Variants in PITPNC1 observed in about 807,000 individuals in gnomAD.
The protein encoded by PITPNC1 is cytoplasmic phosphatidylinositol transfer protein 1.
Under a neutral mutation model 44.7 loss-of-function variants are expected in PITPNC1, and 18 were observed. The ratio of observed to expected loss-of-function variants is 0.40; its 90% confidence interval spans 0.28 to 0.60. The LOEUF (loss-of-function observed/expected upper bound fraction) is 0.60. Ranked by LOEUF, PITPNC1 falls within the 20% of genes least tolerant of loss-of-function variation. The pLI is 0.39. For synonymous variants in PITPNC1, 141 were observed against 149.6 expected (o/e 0.94, Z 0.42); for missense variants, 290 against 418.4 (o/e 0.69, Z 2.68).
intron 4 of PITPNC1, among the ~76,000 whole-genome samples, chr17:67,555,672 C>CAAAAAAAA (rs67935513): frequency 2.0e-4 from 16 of 78,152 alleles, no homozygotes; most frequent in African/African-American, 5.5e-4. Flanking sequence ...ACTAAAAATA[C>CAAAAAAAA]AAAAAAAAAA....
rs558598771 is a variant in PITPNC1, at chr17:67,527,687, C to T, written c.49-5115C>T. Among the ~76,000 whole-genome samples, 102 of 150,442 alleles carry T rather than the reference C, an allele frequency of 6.8e-4. 1 individual carries two copies. The highest frequency in any genetic ancestry group is 2.4e-3 in the African/African-American group (97 of 40,872). Reference sequence around the variant, plus strand: ...CTGCACTCCAGCCTGGGAGACAGAGCGAGACTCCATCTCAAAAACAAAAAA... The same window carrying T: ...CTGCACTCCAGCCTGGGAGACAGAGTGAGACTCCATCTCAAAAACAAAAAA... On this transcript the variant is annotated intron_variant, in intron 1 of 8. Coordinates refer to ENST00000581322, the MANE Select transcript of PITPNC1 (RefSeq NM_012417.4).
At chr17:67,466,603 C>T (rs1243505017) in intron 1 of PITPNC1, among the ~76,000 whole-genome samples, 1 of 152,176 alleles carries the variant, frequency 6.6e-6, no homozygotes, top group Non-Finnish European at 1.5e-5. Flanking sequence ...AAGAGTCCCA[C>T]TTCAAAGTAC....
chr17:67,509,847 G>A (rs183040275), intron 1 of PITPNC1, among the ~76,000 whole-genome samples: 33 of 152,058 alleles, frequency 2.2e-4, no homozygotes, highest in South Asian at 1.0e-3. Context: ...GGGAATTTTG[G>A]GTCAATTCGT....
At chr17:67,617,296 A>C (rs2041772163) in intron 5 of PITPNC1, among the ~76,000 whole-genome samples, 1 of 152,228 alleles carries the variant, frequency 6.6e-6, no homozygotes, top group South Asian at 2.1e-4. Context: ...ACTTGAGGTC[A>C]GGAGTTTGAG....
At chr17:67,382,538 G>C (rs1456175493) in intron 1 of PITPNC1, among the ~76,000 whole-genome samples, 2 of 152,158 alleles carry the variant, frequency 1.3e-5, no homozygotes, top group African/African-American at 4.8e-5. Context: ...GTTCCTGAGA[G>C]CTGAGAGTTG....
rs182684425 is a variant in PITPNC1 at position 67,472,418 on chromosome 17, C to T, written c.49-60384C>T. Among the ~76,000 whole-genome samples the T allele has an allele frequency of 6.4e-4, 90 of 140,892 alleles. 1 individual carries two copies. In the East Asian group the frequency reaches 0.016, roughly 25 times the overall value. The allele number at this position is 140,892 out of a possible 152,430, so 92.4% of individuals were successfully genotyped here. A position where few individuals can be genotyped will look rare whatever the true frequency, so the allele number is the denominator to read the frequency against. The stretch of plus-strand genomic sequence containing the variant: ...ATCCCAACACTTTGGGAGGCCGAGG[C>T]GGGTGGGTCACGAGGTCAGGAGATC... On this transcript the variant is annotated intron_variant, in intron 1 of 8. Coordinates refer to ENST00000581322, the MANE Select transcript of PITPNC1 (RefSeq NM_012417.4).
intron 6 of PITPNC1, among the ~76,000 whole-genome samples, chr17:67,665,547 A>T (rs1470602795): frequency 6.6e-6 from 1 of 152,192 alleles, no homozygotes; most frequent in Non-Finnish European, 1.5e-5. Context: ...TTTCTGTCAC[A>T]ATGTATGAGG....
intron 1 of PITPNC1, among the ~76,000 whole-genome samples, chr17:67,396,964 T>C (rs1010820739): frequency 2.7e-5 from 4 of 150,538 alleles, no homozygotes; most frequent in Non-Finnish European, 4.5e-5. Flanking sequence ...AACCATCTTA[T>C]TTTTTTAAAT....
At chr17:67,621,022 C>T (rs891888215) in intron 5 of PITPNC1, among the ~76,000 whole-genome samples, 4 of 151,860 alleles carry the variant, frequency 2.6e-5, no homozygotes, top group South Asian at 2.1e-4. Flanking sequence ...ACTGCAGGCA[C>T]GATGTGGGGT....
chr17:67,594,541 A>G (rs986351463), intron 5 of PITPNC1, among the ~76,000 whole-genome samples: 3 of 152,304 alleles, frequency 2.0e-5, no homozygotes, highest in Middle Eastern at 3.4e-3. Context: ...TGGTGCAAGC[A>G]GCAGACCCTC....
chr17:67,606,027 C>T (rs1425712244), intron 5 of PITPNC1, among the ~76,000 whole-genome samples: 1 of 152,198 alleles, frequency 6.6e-6, no homozygotes. Flanking sequence ...GTCTTTCTCT[C>T]TCCACACTCC....
intron 5 of PITPNC1, chr17:67,611,825 T>A (rs1184701737): frequency 6.6e-6 from 1 of 152,218 alleles, no homozygotes; most frequent in Non-Finnish European, 1.5e-5. Flanking sequence ...TTTATTGGCT[T>A]TGGTTTTAGG....
At chr17:67,420,285 A>G (rs959644816) in intron 1 of PITPNC1, among the ~76,000 whole-genome samples, 1 of 152,122 alleles carries the variant, frequency 6.6e-6, no homozygotes, top group African/African-American at 2.4e-5. Flanking sequence ...AAGAATCTCA[A>G]TGTGTGACCA....
chr17:67,407,378 A>C lies in PITPNC1; in HGVS notation c.48+29176A>C, dbSNP rs57769469. Among the ~76,000 whole-genome samples the C allele has an allele frequency of 8.4e-3, 1,277 of 152,332 alleles. 14 individuals carry two copies. The highest frequency in any genetic ancestry group is 0.027 in the African/African-American group (1,120 of 41,566). The stretch of plus-strand genomic sequence containing the variant: ...TACATGTCTTCTTTTGTTGAGTTGT[A>C]AAACTTCCTTATATGTTCTCGATGC... On this transcript the variant is annotated intron_variant, in intron 1 of 8. Coordinates refer to ENST00000581322, the MANE Select transcript of PITPNC1 (RefSeq NM_012417.4).
At chr17:67,631,050 GTTGTTATTATTA>G (rs1488540057) in intron 5 of PITPNC1, among the ~76,000 whole-genome samples, 362 of 134,410 alleles carry the variant, frequency 2.7e-3, no homozygotes, top group African/African-American at 6.2e-3. Flanking sequence ...TGTTGTTGTT[GTTGTTATTATTA>G]TTATTATTAT....
At chr17:67,499,526 A>C (rs1191860318) in intron 1 of PITPNC1, among the ~76,000 whole-genome samples, 1 of 152,172 alleles carries the variant, frequency 6.6e-6, no homozygotes, top group African/African-American at 2.4e-5. Flanking sequence ...CAGCCTGAGG[A>C]ATCTTAGGAA....
At chr17:67,651,002 G>A (rs763968997) in intron 6 of PITPNC1, among the ~76,000 whole-genome samples, 6 of 152,114 alleles carry the variant, frequency 3.9e-5, no homozygotes, top group African/African-American at 7.2e-5. Flanking sequence ...CAGGGTTTGC[G>A]GTGCATTCTA....
At chr17:67,673,717 G>A (rs910668003) in intron 7 of PITPNC1, among the ~76,000 whole-genome samples, 4 of 151,690 alleles carry the variant, frequency 2.6e-5, no homozygotes, top group African/African-American at 7.3e-5. Context: ...TTGGGAGGCC[G>A]AGGCAGGCAG....
Position 67,573,931 on chromosome 17 carries a change from A to G in PITPNC1, c.295-4255A>G, listed in dbSNP as rs1234680536. Among the ~76,000 whole-genome samples, 2 of 152,210 alleles carry G rather than the reference A, an allele frequency of 1.3e-5. 1 individual carries two copies. Among genetic ancestry groups the G allele is most frequent in the East Asian group, 3.8e-4 (2 of 5,200 alleles). ...TACGGAATTGATTATAGATGGGGGAAGAAATAGGATCAAGGGAACTTTGTG... is the reference window on the plus strand; with the variant it reads ...TACGGAATTGATTATAGATGGGGGAGGAAATAGGATCAAGGGAACTTTGTG... On this transcript the variant is annotated intron_variant, in intron 4 of 8. Coordinates refer to ENST00000581322, the MANE Select transcript of PITPNC1 (RefSeq NM_012417.4).
Sources: allele counts gnomAD v4.1 joint callset (sites outside exome capture counted in the v4.1 genomes callset), GRCh38; gene constraint gnomAD v4.1.1; transcripts MANE v1.5; gene names NCBI Gene and HGNC (gene_info 2026-07-23, HGNC 2026-07-21).